Variants in TRIO observed in about 807,000 individuals in gnomAD.
The protein encoded by TRIO is triple functional domain protein.
In TRIO, 58 loss-of-function variants were observed where a neutral mutation model predicts 351.9. That is an observed-to-expected ratio of 0.16 (90% CI 0.13 to 0.21). The LOEUF (loss-of-function observed/expected upper bound fraction) is 0.21, where lower values mean the gene tolerates loss of function less well. TRIO is among the 10% of genes least tolerant of loss of function. The probability of loss-of-function intolerance (pLI) is 1.00; values close to 1 mark genes in which losing one functional copy is unlikely to be tolerated. For missense variants in TRIO, 3,201 were observed against 4,027.8 expected (o/e 0.79, Z 5.56); for synonymous variants, 1,758 against 1,595.7 (o/e 1.10, Z -2.42).
At chr5:14,268,922 C>G (rs1464714270) in intron 1 of TRIO, among the ~76,000 whole-genome samples, 2 of 152,180 alleles carry the variant, frequency 1.3e-5, no homozygotes, top group African/African-American at 4.8e-5. Context: ...CAGTGAATTG[C>G]TGACTAGATT....
Position 14,487,985 on chromosome 5 carries a change from G to GC in TRIO, c.7359dup (p.Ala2454ArgfsTer71). On this transcript the variant is annotated frameshift_variant, in exon 48 of 57. Transcript: ENST00000344204. LOFTEE classifies it high-confidence loss of function. ...GCCGCTTGGGAAGCCCCGGGCCGGG[G>GC]CCGCTTCGCCGCTGAACTCGCCGCT... 6.4e-7 allele frequency: 1 copy of GC among 1,557,874 alleles called. No homozygotes were observed. Among genetic ancestry groups the GC allele is most frequent in the Non-Finnish European group, 8.7e-7 (1 of 1,152,130 alleles).
intron 34 of TRIO, among the ~76,000 whole-genome samples, chr5:14,453,985 G>A (rs541679381): frequency 1.1e-4 from 16 of 151,880 alleles, no homozygotes; most frequent in South Asian, 4.2e-4. Context: ...ACTGGAGTGC[G>A]GTGGCACAAT....
At chr5:14,458,795 A>C (rs1201809073) in intron 34 of TRIO, among the ~76,000 whole-genome samples, 1 of 152,198 alleles carries the variant, frequency 6.6e-6, no homozygotes, top group African/African-American at 2.4e-5. Flanking sequence ...TGAGGCTAGG[A>C]ACTGTGTCTA....
At chr5:14,474,812 A>G (rs993242000) in intron 40 of TRIO, among the ~76,000 whole-genome samples, 3 of 152,068 alleles carry the variant, frequency 2.0e-5, no homozygotes, top group African/African-American at 4.8e-5. Context: ...AGCTGGGCCT[A>G]CAGGCACGCA....
At chr5:14,489,726 A>T (rs772049907) in intron 48 of TRIO, among the ~76,000 whole-genome samples, 14 of 152,366 alleles carry the variant, frequency 9.2e-5, no homozygotes, top group African/African-American at 3.1e-4. Flanking sequence ...ATGAGAAGAC[A>T]TGAAAAATGG....
At chr5:14,345,229 T>C (rs1484386766) in intron 11 of TRIO, among the ~76,000 whole-genome samples, 1 of 152,214 alleles carries the variant, frequency 6.6e-6, no homozygotes, top group Non-Finnish European at 1.5e-5. Flanking sequence ...TAGAAGTTAT[T>C]GTGGAAGATC....
intron 1 of TRIO, among the ~76,000 whole-genome samples, chr5:14,235,297 G>A (rs354286): frequency 0.32 from 48,542 of 152,012 alleles, 7,905 homozygotes; most frequent in East Asian, 0.45. Context: ...ACAAACTAAT[G>A]TAAATTCCAG....
intron 1 of TRIO, among the ~76,000 whole-genome samples, chr5:14,201,850 TGGCTTTGACA>T (rs779883466): frequency 1.4e-4 from 22 of 152,008 alleles, no homozygotes; most frequent in Middle Eastern, 6.8e-3. Context: ...CATGTTTACT[TGGCTTTGACA>T]GTTTCAAGAA....
At position 14,479,268 on chromosome 5, in the gene TRIO, G is replaced by A. The variant is rs780511129; in HGVS notation, c.6161G>A (p.Arg2054Lys). The A allele has an allele frequency of 4.3e-6, 7 of 1,613,572 alleles. No individual in the cohort carries two copies. Among genetic ancestry groups the A allele is most frequent in the Admixed American group, 1.7e-5 (1 of 59,960 alleles). ...TGCCTTTTTTATTCCTAGGAGAGAA[G>A]GTTGCACATGTACATAGCTTATTGT... ...LGSLFVKHER[R>K]LHMYIAYCQN... The change falls in exon 42 of 57, where the codon AGG becomes AAG. Residue 2054 changes from arginine (R) to lysine (K), a missense_variant. Arg to Lys is a conservative substitution (Grantham distance 26). Around this residue, in one of 19 missense-constraint regions of TRIO, gnomAD observed 307 missense variants for 396.5 expected, o/e 0.77. Transcript: ENST00000344204.
intron 53 of TRIO, among the ~76,000 whole-genome samples, chr5:14,501,751 A>G (rs1030571605): frequency 1.3e-5 from 2 of 152,216 alleles, no homozygotes; most frequent in Admixed American, 6.5e-5. Context: ...CCTGGGCTGG[A>G]CTGCAGGTCA....
chr5:14,489,502 G>A (rs555245146), intron 48 of TRIO, among the ~76,000 whole-genome samples: 15 of 152,304 alleles, frequency 9.8e-5, no homozygotes, highest in African/African-American at 2.6e-4. Context: ...ACCCAGTGAC[G>A]GGCTATACCC....
At chr5:14,388,052 T>C in intron 23 of TRIO, 1 of 559,790 alleles carries the variant, frequency 1.8e-6, no homozygotes. Flanking sequence ...CTAGTTTTTA[T>C]CCCTGTGCCT....
chr5:14,269,648 C>A (rs931571293), intron 1 of TRIO, among the ~76,000 whole-genome samples: 1 of 152,192 alleles, frequency 6.6e-6, no homozygotes, highest in Non-Finnish European at 1.5e-5. Context: ...TTTTGTCATT[C>A]TCTAGTGCCT....
intron 1 of TRIO, among the ~76,000 whole-genome samples, chr5:14,240,990 G>A (rs945929789): frequency 6.6e-6 from 1 of 152,164 alleles, no homozygotes; most frequent in African/African-American, 2.4e-5. Flanking sequence ...CCTAGAATGA[G>A]TCATTAAAAT....
At chr5:14,213,476 C>G (rs1011114732) in intron 1 of TRIO, among the ~76,000 whole-genome samples, 4 of 151,974 alleles carry the variant, frequency 2.6e-5, no homozygotes, top group Non-Finnish European at 4.4e-5. Flanking sequence ...TAAGCTGATG[C>G]ACAAGTTAGC....
chr5:14,208,791 T>C (rs1409510227), intron 1 of TRIO, among the ~76,000 whole-genome samples: 1 of 152,268 alleles, frequency 6.6e-6, no homozygotes, highest in Non-Finnish European at 1.5e-5. Context: ...CCAGTTGAGC[T>C]GTTTCTGTAC....
At chr5:14,233,413 C>G (rs1394824818) in intron 1 of TRIO, among the ~76,000 whole-genome samples, 1 of 151,352 alleles carries the variant, frequency 6.6e-6, no homozygotes, top group African/African-American at 2.4e-5. Flanking sequence ...CTGCTTGAGC[C>G]TGGGAGGCAG....
chr5:14,472,453 C>A, intron 38 of TRIO, 139 bp from the exon 39 acceptor site: 1 of 914,596 alleles, frequency 1.1e-6, no homozygotes, highest in Non-Finnish European at 1.6e-6. Flanking sequence ...TGGGACTCTC[C>A]AGAATTTAAC....
intron 12 of TRIO, 129 bp from the exon 13 acceptor site, chr5:14,359,227 TC>T: frequency 9.0e-7 from 1 of 1,116,650 alleles, no homozygotes. Flanking sequence ...AGCAGCCCGT[TC>T]CATTTTCTGA....
Sources: allele counts gnomAD v4.1 joint callset (sites outside exome capture counted in the v4.1 genomes callset), GRCh38; gene constraint gnomAD v4.1.1; regional missense constraint gnomAD v4.1.1; transcripts MANE v1.5; gene names NCBI Gene and HGNC (gene_info 2026-07-23, HGNC 2026-07-21).